LCORL: variants seen among roughly 807,000 people sequenced by gnomAD.
LCORL encodes ligand-dependent nuclear receptor corepressor-like protein.
A neutral mutation model predicts 141.8 loss-of-function variants in LCORL; 41 were observed. The ratio of observed to expected loss-of-function variants is 0.29; its 90% CI spans 0.23 to 0.38. The LOEUF (loss-of-function observed/expected upper bound fraction) is 0.38. Among genes scored for constraint, LCORL ranks in the 10% least tolerant of loss-of-function variants. The pLI, the probability that LCORL is intolerant of heterozygous loss-of-function variation, is 1.00. For missense variants in LCORL, 1,759 were observed against 2,035.0 expected, an observed-to-expected ratio of 0.86 and a Z score of 2.61; for synonymous variants, 618 against 694.1, an observed-to-expected ratio of 0.89 and a Z score of 1.72.
chr4:17,993,463 C>T (rs1239907410), intron 1 of LCORL, among the ~76,000 whole-genome samples: 1 of 152,054 alleles, frequency 6.6e-6, no homozygotes, highest in East Asian at 1.9e-4. Context: ...CCTCAGCCTC[C>T]CAAAGTGCTG....
Position 17,873,814 on chromosome 4 carries a change from CTTTTAAGGTT to C in LCORL, c.5166_5175del (p.Leu1724ValfsTer5). ...AGCTTCCTCAAAAATATTCTACAGTCTTTTAAGGTTTTTGACCTCCAACTATTAGGACATA... is the reference window on the plus strand; with the variant it reads ...AGCTTCCTCAAAAATATTCTACAGTCTTTGACCTCCAACTATTAGGACATA... On this transcript the variant is annotated frameshift_variant, in exon 7 of 8. Coordinates refer to ENST00000635767, the Ensembl canonical transcript of LCORL. LOFTEE classifies it high-confidence loss of function. The C allele has an allele frequency of 8.1e-7, 1 of 1,234,006 alleles. No individual in the cohort carries two copies. Among genetic ancestry groups the C allele is most frequent in the Non-Finnish European group, 1.0e-6 (1 of 987,906 alleles). The allele number at this position is 1,234,006 out of a possible 1,614,324, so 76.4% of individuals were successfully genotyped here. A position where few individuals can be genotyped will look rare whatever the true frequency, so the allele number is the denominator to read the frequency against.
chr4:18,000,435 T>C (rs1293337247), intron 1 of LCORL, among the ~76,000 whole-genome samples: 1 of 152,158 alleles, frequency 6.6e-6, no homozygotes. Context: ...TAAAATGAAG[T>C]TTAAAAATAT....
chr4:17,985,522 C>T (rs1718806281), intron 1 of LCORL, among the ~76,000 whole-genome samples: 1 of 152,042 alleles, frequency 6.6e-6, no homozygotes, highest in African/African-American at 2.4e-5. Flanking sequence ...TTATTTAATG[C>T]TCTTCTTTGC....
intron 1 of LCORL, among the ~76,000 whole-genome samples, chr4:17,994,435 C>T (rs2109791892): frequency 6.6e-6 from 1 of 152,220 alleles, no homozygotes; most frequent in East Asian, 1.9e-4. Flanking sequence ...ACACTCCAAC[C>T]CCCATTTCCA....
intron 4 of LCORL, among the ~76,000 whole-genome samples, chr4:17,961,451 T>C (rs1421553851): frequency 6.6e-6 from 1 of 152,028 alleles, no homozygotes; most frequent in Non-Finnish European, 1.5e-5. Context: ...ACCAAATAAA[T>C]ATTGAAATAG....
intron 4 of LCORL, among the ~76,000 whole-genome samples, chr4:17,959,697 G>C (rs1430824778): frequency 6.6e-6 from 1 of 151,990 alleles, no homozygotes; most frequent in African/African-American, 2.4e-5. Flanking sequence ...GTTTTAGCAA[G>C]ATGATCAACA....
intron 5 of LCORL, among the ~76,000 whole-genome samples, chr4:17,887,660 A>G (rs1319673835): frequency 1.3e-5 from 2 of 152,202 alleles, no homozygotes; most frequent in Non-Finnish European, 2.9e-5. Context: ...CCATTGGGCC[A>G]TGGCAAGAAC....
chr4:17,874,325 G>C, exon 7 of LCORL: 1 of 1,233,930 alleles, frequency 8.1e-7, no homozygotes, highest in African/African-American at 1.5e-5. Context: ...ATTTTTTAAA[G>C]TGCTTTCTGA....
intron 2 of LCORL, among the ~76,000 whole-genome samples, chr4:17,964,383 ATACTT>A (rs905763654): frequency 9.2e-5 from 14 of 152,270 alleles, no homozygotes; most frequent in Admixed American, 1.3e-4. Context: ...AAATGTAAAA[ATACTT>A]TATAAACTAT....
exon 7 of LCORL, chr4:17,876,057 A>G: frequency 8.1e-7 from 1 of 1,231,090 alleles, no homozygotes; most frequent in Non-Finnish European, 1.0e-6. Context: ...AACTGAAGTT[A>G]AAGTATATTT....
At chr4:17,956,550 C>T (rs1292829617) in intron 4 of LCORL, among the ~76,000 whole-genome samples, 2 of 151,284 alleles carry the variant, frequency 1.3e-5, no homozygotes, top group African/African-American at 4.9e-5. Context: ...AAGCCAGGCA[C>T]AAAAAGACAT....
rs186082011 is a variant in LCORL, at chr4:17,880,623, T to C, written c.777-2410A>G. The C allele has an allele frequency of 1.2e-3, 1,207 of 983,222 alleles. 14 individuals carry two copies. The African/African-American group carries it at 0.02, about 16-fold the overall frequency. The allele number at this position is 983,222 out of a possible 1,614,324, so 60.9% of individuals were successfully genotyped here. ...GTTTTTTTCTTTTCTTTTCTTTTTT[T>C]CTTTTACTGAATGAGTAAATCAATC... On this transcript the variant is annotated intron_variant, in intron 6 of 7. Transcript: ENST00000635767.
intron 7 of LCORL, among the ~76,000 whole-genome samples, chr4:17,864,223 A>G (rs1280981078): frequency 6.6e-6 from 1 of 152,106 alleles, no homozygotes; most frequent in Non-Finnish European, 1.5e-5. Context: ...TATAAACCCT[A>G]TAGAAGCCAC....
At chr4:17,917,249 G>C (rs1560338824) in intron 4 of LCORL, among the ~76,000 whole-genome samples, 1 of 151,866 alleles carries the variant, frequency 6.6e-6, no homozygotes, top group Non-Finnish European at 1.5e-5. Flanking sequence ...ACCCAGGCTG[G>C]AGTGCAATGG....
intron 6 of LCORL, chr4:17,881,373 C>T (rs1727553994): frequency 2.0e-6 from 2 of 980,414 alleles, no homozygotes; most frequent in Admixed American, 1.2e-4. Flanking sequence ...AATTTCCCTG[C>T]CTTTCCTAGT....
intron 5 of LCORL, among the ~76,000 whole-genome samples, chr4:17,902,448 A>G (rs140699310): frequency 6.6e-6 from 1 of 152,286 alleles, no homozygotes; most frequent in African/African-American, 2.4e-5. Flanking sequence ...AGCCACAGAA[A>G]ACAAAAGCTC....
intron 4 of LCORL, among the ~76,000 whole-genome samples, chr4:17,924,289 T>C (rs751514960): frequency 6.6e-6 from 1 of 152,200 alleles, no homozygotes; most frequent in African/African-American, 2.4e-5. Context: ...ACTCAGCCTC[T>C]TTCCTCAGCC....
chr4:17,909,749 T>TTAACTAGGAAAACG (rs1209476974), intron 4 of LCORL, among the ~76,000 whole-genome samples: 1 of 152,096 alleles, frequency 6.6e-6, no homozygotes, highest in Non-Finnish European at 1.5e-5. Flanking sequence ...TGTGCATGCA[T>TTAACTAGGAAAACG]TAACTAGGAA....
intron 7 of LCORL, among the ~76,000 whole-genome samples, chr4:17,850,305 T>C (rs1364626235): frequency 6.7e-6 from 1 of 148,268 alleles, no homozygotes; most frequent in Admixed American, 6.7e-5. Context: ...CTAAAGAGCT[T>C]CTGCACAGCA....
Sources: gnomAD v4.1 joint callset for allele counts (sites outside exome capture counted in the v4.1 genomes callset) on GRCh38, gnomAD v4.1.1 for gene constraint, MANE v1.5 for transcripts, NCBI Gene and HGNC (gene_info 2026-07-23, HGNC 2026-07-21) for gene names.